The following COL19A1 variants were observed in gnomAD, a reference collection of about 807,000 sequenced individuals.
The protein encoded by COL19A1 is collagen type XIX alpha 1 chain, also known as collagen alpha-1(XIX) chain.
Under a neutral mutation model 190.2 loss-of-function variants are expected in COL19A1, and 159 were observed. The observed-to-expected ratio is 0.84, with a 90% CI of 0.73 to 0.95. COL19A1 has a LOEUF of 0.95. COL19A1 is among the 40% of genes least tolerant of loss of function. COL19A1 has a pLI of 0.00. For missense variants in COL19A1, 1,418 were observed against 1,431.9 expected (o/e 0.99, Z 0.16); for synonymous variants, 509 against 458.9 (o/e 1.11, Z -1.39).
At chr6:70,118,850 G>A (rs1446674683) in intron 16 of COL19A1, among the ~76,000 whole-genome samples, 1 of 151,620 alleles carries the variant, frequency 6.6e-6, no homozygotes, top group Non-Finnish European at 1.5e-5. Flanking sequence ...GGGAGCAGCT[G>A]CACTGAGCCG....
intron 16 of COL19A1, among the ~76,000 whole-genome samples, chr6:70,115,640 A>G (rs1386391834): frequency 6.6e-6 from 1 of 152,154 alleles, no homozygotes; most frequent in Non-Finnish European, 1.5e-5. Context: ...AATTTCACCT[A>G]TATGTGGCCC....
chr6:69,877,628 A>C (rs1768209985), intron 1 of COL19A1, among the ~76,000 whole-genome samples: 2 of 152,150 alleles, frequency 1.3e-5, no homozygotes, highest in South Asian at 4.1e-4. Flanking sequence ...AGAAGGAAAA[A>C]CAGACTTGTG....
At chr6:69,982,134 G>T (rs1401123615) in intron 11 of COL19A1, among the ~76,000 whole-genome samples, 1 of 151,920 alleles carries the variant, frequency 6.6e-6, no homozygotes, top group Non-Finnish European at 1.5e-5. Context: ...AAAAAGAGGG[G>T]GAGTTAAGAA....
rs577265270 is a variant in COL19A1 at position 69,917,831 on chromosome 6, A to T, written c.267-10078A>T. Among the ~76,000 whole-genome samples, 5 of 152,308 alleles carry T rather than the reference A, an allele frequency of 3.3e-5. No individual in the cohort carries two copies. In the East Asian group the frequency reaches 5.8e-4, roughly 18 times the overall value. ...GTAATGATAGCTGATGAGCTAAAAA[A>T]AAATCACAAAAAAATCTCATAATGT... On this transcript the variant is annotated intron_variant, in intron 4 of 50. Coordinates refer to ENST00000620364, the MANE Select transcript of COL19A1 (RefSeq NM_001858.6).
Position 70,035,907 on chromosome 6 carries a change from G to A in COL19A1, c.1138G>A (p.Asp380Asn), listed in dbSNP as rs1252169615. 1.9e-6 allele frequency: 3 copies of A among 1,613,320 alleles called. No homozygotes were observed. The highest frequency in any genetic ancestry group is 2.2e-5 in the South Asian group (2 of 91,046). ...GPPGPKGEKGDTGPPGPPALP... is the reference protein window; with the variant it reads ...GPPGPKGEKGNTGPPGPPALP... ...GCTTTTCTTTAATCTATTTTAGGGA[G>A]ATACAGGACCCCCAGGACCACCAGC... is the stretch of plus-strand genomic sequence containing the variant. The change falls in exon 14 of 51, where the codon GAT becomes AAT. Residue 380 changes from aspartate (D) to asparagine (N), a missense_variant. Transcript: ENST00000620364.
chr6:70,047,907 T>C (rs1464535946), intron 14 of COL19A1, among the ~76,000 whole-genome samples: 2 of 152,056 alleles, frequency 1.3e-5, no homozygotes, highest in Non-Finnish European at 2.9e-5. Flanking sequence ...TGAAGGAAGG[T>C]AGAACAGTGC....
chr6:69,901,948 A>G (rs6455351), intron 4 of COL19A1, among the ~76,000 whole-genome samples: 46,577 of 152,102 alleles, frequency 0.31, 8,680 homozygotes, highest in African/African-American at 0.52. Context: ...ATTTCTTTTT[A>G]AATTTATGTG....
Position 70,144,249 on chromosome 6 carries a change from A to G in COL19A1, c.1666A>G (p.Ile556Val). The part of the protein sequence containing the change: ...GEHGIPGKQG[I>V]KGEKGDPGGI... ...ACATGGTATCCCAGGAAAACAAGGC[A>G]TTAAAGGAGAAAAGGTATAGTTTAC... The change falls in exon 24 of 51, where the codon ATT becomes GTT. Residue 556 changes from isoleucine to valine, a missense_variant. Physicochemically the swap from Ile to Val is conservative, Grantham distance 29 (BLOSUM62 3). Transcript: ENST00000620364. The G allele has an allele frequency of 6.2e-7, 1 of 1,612,468 alleles. No homozygotes were observed. Among genetic ancestry groups the G allele is most frequent in the Non-Finnish European group, 8.5e-7 (1 of 1,178,832 alleles).
intron 17 of COL19A1, among the ~76,000 whole-genome samples, chr6:70,127,188 C>A (rs770547046): frequency 6.6e-6 from 1 of 152,122 alleles, no homozygotes; most frequent in Non-Finnish European, 1.5e-5. Context: ...GAAAAAAGAC[C>A]ATGACAGCTG....
At chr6:70,107,206 T>C (rs914082879) in intron 16 of COL19A1, among the ~76,000 whole-genome samples, 3 of 152,284 alleles carry the variant, frequency 2.0e-5, no homozygotes, top group African/African-American at 7.2e-5. Flanking sequence ...AGCTTCTAGT[T>C]TACAGTTCAA....
chr6:70,108,344 AG>A (rs3842605), intron 16 of COL19A1, among the ~76,000 whole-genome samples: 3,785 of 152,084 alleles, frequency 0.025, 107 homozygotes, highest in East Asian at 0.15. Context: ...TTGCAGTATG[AG>A]AATTGAGCAG....
intron 14 of COL19A1, among the ~76,000 whole-genome samples, chr6:70,061,461 C>T (rs765552620): frequency 5.3e-5 from 8 of 151,760 alleles, no homozygotes; most frequent in South Asian, 2.1e-4. Flanking sequence ...ATCTAGGAGG[C>T]CCGTAAGTGA....
intron 16 of COL19A1, among the ~76,000 whole-genome samples, chr6:70,110,883 CAT>C (rs991532508): frequency 2.4e-4 from 37 of 152,222 alleles, no homozygotes; most frequent in African/African-American, 6.3e-4. Context: ...TCTGGACTGA[CAT>C]GTGTTATTTA....
In COL19A1 at chr6:70,180,660, G is replaced by T. The variant is rs555533225; in HGVS notation, c.2775+137G>T. 21 of 838,408 alleles carry T rather than the reference G, an allele frequency of 2.5e-5. No homozygotes were observed. The East Asian group carries it at 4.2e-4, about 17-fold the overall frequency. 51.9% of individuals were successfully genotyped at this position (838,408 alleles called of 1,614,324 possible). ...AAGAAGAATGCACAGATGGATTTTTGATGGCAAGGGCAGGAGTTCTTATTG... is the reference window on the plus strand; with the variant it reads ...AAGAAGAATGCACAGATGGATTTTTTATGGCAAGGGCAGGAGTTCTTATTG... On this transcript the variant is annotated intron_variant, in intron 44 of 50. Transcript: ENST00000620364.
chr6:70,171,940 A>G (rs1444549636), intron 40 of COL19A1, 24 bp from the exon 41 acceptor site: 1 of 1,611,006 alleles, frequency 6.2e-7, no homozygotes, highest in Non-Finnish European at 8.5e-7. Flanking sequence ...TTGCTCCTGC[A>G]TTTCTTATGT....
At chr6:69,924,560 CAT>C (rs1387732474) in intron 4 of COL19A1, among the ~76,000 whole-genome samples, 20 of 152,146 alleles carry the variant, frequency 1.3e-4, no homozygotes, top group Admixed American at 9.8e-4. Context: ...CCGCAATAAA[CAT>C]ATGTGTGCAT....
intron 49 of COL19A1, among the ~76,000 whole-genome samples, chr6:70,201,967 A>G (rs778416997): frequency 5.3e-5 from 8 of 152,192 alleles, no homozygotes; most frequent in South Asian, 2.1e-4. Context: ...GAAGTTATAC[A>G]TGTAACTTAT....
intron 15 of COL19A1, among the ~76,000 whole-genome samples, chr6:70,100,999 C>A (rs1783592962): frequency 1.3e-5 from 2 of 152,106 alleles, no homozygotes; most frequent in Admixed American, 6.6e-5. Flanking sequence ...CCTCCTACCC[C>A]ACTTCAAGAC....
At chr6:70,089,471 A>G (rs866769097) in intron 15 of COL19A1, among the ~76,000 whole-genome samples, 2 of 152,226 alleles carry the variant, frequency 1.3e-5, no homozygotes, top group Non-Finnish European at 2.9e-5. Flanking sequence ...AAATGAGACA[A>G]TAAACTACAT....
Sources: allele counts gnomAD v4.1 joint callset (sites outside exome capture counted in the v4.1 genomes callset), GRCh38; gene constraint gnomAD v4.1.1; transcripts MANE v1.5; gene names NCBI Gene and HGNC (gene_info 2026-07-23, HGNC 2026-07-21).